The following DHX57 variants were observed in gnomAD, a reference collection of about 807,000 sequenced individuals.
DHX57 encodes putative ATP-dependent RNA helicase DHX57.
In DHX57, 105 loss-of-function variants were observed where a neutral mutation model predicts 156.2. The observed-to-expected ratio is 0.67, with a 90% confidence interval of 0.57 to 0.79. DHX57 has a LOEUF of 0.79. Ranked by LOEUF, DHX57 falls within the 30% of genes least tolerant of loss-of-function variation. DHX57 has a pLI of 0.00. For missense variants in DHX57, 1,847 were observed against 1,661.9 expected (o/e 1.11, Z -1.94); for synonymous variants, 704 against 595.6 (o/e 1.18, Z -2.65).
At chr2:38,865,953 A>C (rs966284782) in intron 2 of DHX57, among the ~76,000 whole-genome samples, 2 of 152,202 alleles carry the variant, frequency 1.3e-5, no homozygotes, top group Non-Finnish European at 2.9e-5. Context: ...TATTGAGTAT[A>C]GATTCATAGA....
chr2:38,874,271 A>G (rs1402748205), intron 1 of DHX57, among the ~76,000 whole-genome samples: 1 of 151,432 alleles, frequency 6.6e-6, no homozygotes, highest in African/African-American at 2.4e-5. Context: ...AACATTTTTT[A>G]GTAGAAATGA....
chr2:38,862,309 T>G lies in DHX57; in HGVS notation c.408A>C (p.Glu136Asp). 1 of 1,591,388 alleles carries G rather than the reference T, an allele frequency of 6.3e-7. No individual in the cohort carries two copies. Among genetic ancestry groups the G allele is most frequent in the Admixed American group, 1.7e-5 (1 of 58,636 alleles). The change falls in exon 4 of 24, where the codon GAA becomes GAC. Residue 136 changes from glutamate to aspartate, a missense_variant. Coordinates refer to ENST00000457308, the MANE Select transcript of DHX57 (RefSeq NM_198963.3). The part of the protein sequence containing the change: ...GSERGLSGEE[E>D]DDEPDCCNDE... ...CGTTACAGCAATCAGGCTCATCATC[T>G]TCCTCCTCCCCAGAAAGGCCTCTTC...
Position 38,858,664 on chromosome 2 carries a change from T to C in DHX57, c.1584A>G (p.Lys528=). Residue 528 remains lysine (K), a synonymous_variant, in exon 6 of 24, where the codon AAA becomes AAG. Transcript: ENST00000457308. ...TCATTCTCTCAGCATACCCTACCTG[T>C]TTCATTCGGAACTGCTTGCAGATTT... ...NGKICKQFRM[K]QASRQFQSIL... 3.1e-6 allele frequency: 5 copies of C among 1,612,862 alleles called. No homozygotes were observed. Among genetic ancestry groups the C allele is most frequent in the Non-Finnish European group, 4.2e-6 (5 of 1,179,690 alleles).
At position 38,863,361 on chromosome 2, in the gene DHX57, T is replaced by G; in HGVS notation, c.383A>C (p.Glu128Ala). Reference protein sequence around the residue: ...LQEQDADAGSERGLSGEEEDD... With the variant: ...LQEQDADAGSARGLSGEEEDD... ...AATTGACTCAAATAAAACAATTTAC[T>G]CAGATCCAGCATCAGCATCTTGTTC... The change falls in exon 3 of 24, where the codon GAA (glutamate) becomes GCA (alanine). Residue 128 changes from glutamate to alanine, a missense_variant and splice_region_variant. By Grantham distance (107) the Glu-to-Ala change is moderately radical (BLOSUM62 -1). Coordinates refer to ENST00000457308, the MANE Select transcript of DHX57 (RefSeq NM_198963.3). The G allele has an allele frequency of 6.2e-7, 1 of 1,605,896 alleles. No homozygotes were observed. The highest frequency in any genetic ancestry group is 8.5e-7 in the Non-Finnish European group (1 of 1,178,114).
intron 23 of DHX57, among the ~76,000 whole-genome samples, chr2:38,801,092 A>G (rs1669657966): frequency 6.6e-6 from 1 of 152,190 alleles, no homozygotes; most frequent in South Asian, 2.1e-4. Flanking sequence ...TTAAAATTAC[A>G]TATGTGGGTC....
intron 1 of DHX57, among the ~76,000 whole-genome samples, chr2:38,874,704 CG>C (rs1260652014): frequency 6.6e-6 from 1 of 152,128 alleles, no homozygotes; most frequent in Admixed American, 6.5e-5. Flanking sequence ...CCACCGCGCC[CG>C]ACCTGAAATA....
chr2:38,817,006 A>T (rs940576657), intron 19 of DHX57, among the ~76,000 whole-genome samples: 3 of 152,220 alleles, frequency 2.0e-5, no homozygotes, highest in African/African-American at 7.2e-5. Flanking sequence ...TGCCCTGTAC[A>T]TATAAACACA....
chr2:38,798,194 C>G lies in DHX57; in HGVS notation c.*105G>C. 1.4e-6 allele frequency: 2 copies of G among 1,478,524 alleles called. No homozygotes were observed. Among genetic ancestry groups the G allele is most frequent in the Non-Finnish European group, 1.8e-6 (2 of 1,104,330 alleles). The allele number at this position is 1,478,524 out of a possible 1,614,324, so 91.6% of individuals were successfully genotyped here. On this transcript the variant is annotated 3_prime_UTR_variant, in exon 24 of 24. Coordinates refer to ENST00000457308, the MANE Select transcript of DHX57 (RefSeq NM_198963.3). ...GGGCTTCATGCCCTGGGCTCCTCCACCAGGGCCAGCCCCAATAGGTCTTTA... is the reference window on the plus strand; with the variant it reads ...GGGCTTCATGCCCTGGGCTCCTCCAGCAGGGCCAGCCCCAATAGGTCTTTA...
chr2:38,850,853 T>A (rs1234105743), intron 9 of DHX57, among the ~76,000 whole-genome samples: 1 of 152,022 alleles, frequency 6.6e-6, no homozygotes, highest in African/African-American at 2.4e-5. Flanking sequence ...GGCGAGCATA[T>A]CACTTGAGCT....
intron 10 of DHX57, 35 bp from the exon 11 acceptor site, chr2:38,847,108 G>C (rs766972055): frequency 6.5e-7 from 1 of 1,534,370 alleles, no homozygotes; most frequent in South Asian, 1.1e-5. Flanking sequence ...GAAAGCCTGA[G>C]AACACCCATT....
At chr2:38,808,642 A>C (rs2148536229) in intron 21 of DHX57, among the ~76,000 whole-genome samples, 1 of 152,300 alleles carries the variant, frequency 6.6e-6, no homozygotes, top group African/African-American at 2.4e-5. Flanking sequence ...CTAATAACAA[A>C]TCCCTAGGAA....
chr2:38,833,548 T>G (rs2124842522), intron 13 of DHX57, among the ~76,000 whole-genome samples: 1 of 152,270 alleles, frequency 6.6e-6, no homozygotes, highest in South Asian at 2.1e-4. Flanking sequence ...AAGGATTTAG[T>G]TAAGAGAAGA....
rs1368423440 is a variant in DHX57, at chr2:38,862,221, A to T, written c.496T>A (p.Tyr166Asn). The change falls in exon 4 of 24, where the codon TAT (tyrosine) becomes AAT (asparagine). Residue 166 changes from tyrosine to asparagine, a missense_variant. Physicochemically the swap from Tyr to Asn is moderately radical, Grantham distance 143 (BLOSUM62 -2). Coordinates refer to ENST00000457308, the MANE Select transcript of DHX57 (RefSeq NM_198963.3). The part of the protein sequence containing the change: ...SLVPDLDPLE[Y>N]AGLASVEPYV... The stretch of plus-strand genomic sequence containing the variant: ...GGCTCCACTGAGGCTAAGCCAGCAT[A>T]TTCCAAAGGATCCAAGTCGGGAACG... 6.8e-6 allele frequency: 11 copies of T among 1,614,076 alleles called. No individual in the cohort carries two copies. The East Asian group carries it at 2.2e-4, about 33-fold the overall frequency.
intron 11 of DHX57, among the ~76,000 whole-genome samples, chr2:38,846,484 G>C (rs116101479): frequency 1.3e-5 from 2 of 151,670 alleles, no homozygotes; most frequent in Non-Finnish European, 2.9e-5. Context: ...TTAGGCATGG[G>C]GGTGTGTGTC....
In DHX57 at chr2:38,848,365, G is replaced by C. The variant is rs770539412; in HGVS notation, c.2068C>G (p.Gln690Glu). 6.2e-7 allele frequency: 1 copy of C among 1,610,430 alleles called. No individual in the cohort carries two copies. Among genetic ancestry groups the C allele is most frequent in the South Asian group, 1.1e-5 (1 of 90,040 alleles). ...AAAATAACTTGAAGACCTGGCCTCT[G>C]CGATACAATGTCCTTCAAAACTAGC... ...LLLVLKDIVSQRPGLQVILMS... is the reference protein window; with the variant it reads ...LLLVLKDIVSERPGLQVILMS... The change falls in exon 10 of 24, where the codon CAG becomes GAG. Residue 690 changes from glutamine (Q) to glutamate (E), a missense_variant. Coordinates refer to ENST00000457308, the MANE Select transcript of DHX57 (RefSeq NM_198963.3).
At chr2:38,874,401 A>ATTT (rs60727396) in intron 1 of DHX57, among the ~76,000 whole-genome samples, 1 of 75,460 alleles carries the variant, frequency 1.3e-5, no homozygotes, top group African/African-American at 5.5e-5. Context: ...GAAATACTGT[A>ATTT]TTTTTTTTTT....
At chr2:38,817,123 G>A (rs1483834509) in intron 19 of DHX57, among the ~76,000 whole-genome samples, 1 of 151,978 alleles carries the variant, frequency 6.6e-6, no homozygotes, top group Admixed American at 6.6e-5. Context: ...GTAGAGATGG[G>A]GTTTCGCCAT....
At chr2:38,839,618 G>T (rs1164261569) in intron 12 of DHX57, among the ~76,000 whole-genome samples, 1 of 151,902 alleles carries the variant, frequency 6.6e-6, no homozygotes, top group African/African-American at 2.4e-5. Context: ...CTACTTGGGA[G>T]GCTGAGGCAG....
intron 11 of DHX57, among the ~76,000 whole-genome samples, chr2:38,845,703 GAA>G (rs1016567641): frequency 1.4e-4 from 21 of 152,202 alleles, no homozygotes; most frequent in African/African-American, 5.1e-4. Flanking sequence ...CAGAGACTAA[GAA>G]GAGAAAGTAG....
Sources: allele counts gnomAD v4.1 joint callset (sites outside exome capture counted in the v4.1 genomes callset), GRCh38; gene constraint gnomAD v4.1.1; transcripts MANE v1.5; gene names NCBI Gene and HGNC (gene_info 2026-07-23, HGNC 2026-07-21).